The following IMP4 variants were observed in gnomAD, a reference collection of about 807,000 sequenced individuals.
IMP4 encodes the protein U3 small nucleolar ribonucleoprotein IMP4.
A neutral mutation model predicts 42.7 loss-of-function variants in IMP4; 30 were observed. That is an observed-to-expected ratio of 0.70 (90% confidence interval 0.53 to 0.95). The LOEUF is 0.95. Ranked by LOEUF, IMP4 falls within the 40% of genes least tolerant of loss-of-function variation. The pLI is 0.00. For synonymous variants in IMP4, 165 were observed against 165.2 expected, an observed-to-expected ratio of 1.00 and a Z score of 0.01; for missense variants, 382 against 411.4, an observed-to-expected ratio of 0.93 and a Z score of 0.62.
chr2:130,346,527 C>A lies in IMP4; in HGVS notation c.*59C>A. 2 of 1,148,208 alleles carry A rather than the reference C, an allele frequency of 1.7e-6. No individual in the cohort carries two copies. The highest frequency in any genetic ancestry group is 2.6e-6 in the Non-Finnish European group (2 of 783,310). The allele number at this position is 1,148,208 out of a possible 1,614,324, so 71.1% of individuals were successfully genotyped here. On this transcript the variant is annotated 3_prime_UTR_variant, in exon 9 of 9. Coordinates refer to ENST00000259239, the MANE Select transcript of IMP4 (RefSeq NM_033416.3). Reference sequence around the variant, plus strand: ...GAACTCAGGATGGGGCTGTCATAGACAGACCCACCAGTAGGAACTGTCACA... The same window carrying A: ...GAACTCAGGATGGGGCTGTCATAGAAAGACCCACCAGTAGGAACTGTCACA...
In IMP4 at chr2:130,346,673, G is replaced by A; in HGVS notation, c.*205G>A. On this transcript the variant is annotated 3_prime_UTR_variant, in exon 9 of 9. Coordinates refer to ENST00000259239, the MANE Select transcript of IMP4 (RefSeq NM_033416.3). ...GCCAAGTCTGCAGGGCAAAGCCCAT[G>A]GGATCCCTTTGGGTGGGGACCTGAT... 1 of 605,070 alleles carries A rather than the reference G, an allele frequency of 1.7e-6. No homozygotes were observed. Among genetic ancestry groups the A allele is most frequent in the South Asian group, 1.9e-5 (1 of 51,642 alleles). The allele number at this position is 605,070 out of a possible 1,614,324, so 37.5% of individuals were successfully genotyped here.
chr2:130,342,915 G>A lies in IMP4; in HGVS notation c.-18G>A. 1 of 1,614,126 alleles carries A rather than the reference G, an allele frequency of 6.2e-7. No homozygotes were observed. Among genetic ancestry groups the A allele is most frequent in the South Asian group, 1.1e-5 (1 of 91,084 alleles). ...AGCCCACAGATTCTCCCGGACCCAC[G>A]TGGAAGCGGCACTCAAGATGGTAGG... is the stretch of plus-strand genomic sequence containing the variant. On this transcript the variant is annotated 5_prime_UTR_variant, in exon 1 of 9. It adds an upstream start codon to the 5' untranslated region. Coordinates refer to ENST00000259239, the MANE Select transcript of IMP4 (RefSeq NM_033416.3).
rs765579708 is a variant in IMP4 at position 130,344,651 on chromosome 2, G to A, written c.135G>A (p.Glu45=). 1.2e-6 allele frequency: 2 copies of A among 1,614,084 alleles called. No individual in the cohort carries two copies. Among genetic ancestry groups the A allele is most frequent in the South Asian group, 2.2e-5 (2 of 91,084 alleles). Residue 45 remains glutamate, a synonymous_variant, in exon 3 of 9, where the codon GAG becomes GAA. Coordinates refer to ENST00000259239, the MANE Select transcript of IMP4 (RefSeq NM_033416.3). ...ALEENRLIPT[E]LRREALALQG... ...CAGAAAACCGCCTGATTCCCACTGA[G>A]TTACGCCGAGAGGCTCTGGCCTTAC...
rs1451913666 is a variant in IMP4 at position 130,343,476 on chromosome 2, T to A, written c.112+282T>A. 3 of 576,300 alleles carry A rather than the reference T, an allele frequency of 5.2e-6. No homozygotes were observed. In the Middle Eastern group the frequency reaches 1.1e-3, roughly 216 times the overall value. 35.7% of individuals were successfully genotyped at this position (576,300 alleles called of 1,614,324 possible). ...CCTGTAGAAATTCTCTTTAGAGCGG[T>A]GGCTCACTGCTGTAATCCCAGCACT... On this transcript the variant is annotated intron_variant, in intron 2 of 8. Coordinates refer to ENST00000259239, the MANE Select transcript of IMP4 (RefSeq NM_033416.3).
In IMP4 at chr2:130,346,406, G is replaced by A. The variant is rs772305300; in HGVS notation, c.814G>A (p.Glu272Lys). 1.3e-6 allele frequency: 2 copies of A among 1,575,800 alleles called. No homozygotes were observed. Among genetic ancestry groups the A allele is most frequent in the South Asian group, 2.3e-5 (2 of 86,428 alleles). Residue 272 changes from glutamate to lysine, a missense_variant, in exon 9 of 9, where the codon GAG becomes AAG. Coordinates refer to ENST00000259239, the MANE Select transcript of IMP4 (RefSeq NM_033416.3). ...GGAGCAGGAGGCCACAGCAGACGTG[G>A]AGTGGCGCTGGCACCCTTACACCAA... Reference protein sequence around the residue: ...TLEQEATADVEWRWHPYTNTA... With the variant: ...TLEQEATADVKWRWHPYTNTA...
rs751294029 is a variant in IMP4 at position 130,347,097 on chromosome 2, G to A, written c.*629G>A. The A allele has an allele frequency of 2.6e-5, 4 of 153,718 alleles. No individual in the cohort carries two copies. Among genetic ancestry groups the A allele is most frequent in the African/African-American group, 7.2e-5 (3 of 41,450 alleles). 9.5% of individuals were successfully genotyped at this position (153,718 alleles called of 1,614,324 possible). A position where few individuals can be genotyped will look rare whatever the true frequency, so the allele number is the denominator to read the frequency against. On this transcript the variant is annotated 3_prime_UTR_variant, in exon 9 of 9. Coordinates refer to ENST00000259239, the MANE Select transcript of IMP4 (RefSeq NM_033416.3). ...CCGTCCACCAATAGACACTTAGGTCGTTTTCATAGTTTGGCAGTTGTGGAA... is the reference window on the plus strand; with the variant it reads ...CCGTCCACCAATAGACACTTAGGTCATTTTCATAGTTTGGCAGTTGTGGAA...
At position 130,347,303 on chromosome 2, in the gene IMP4, C is replaced by T. The variant is rs1347467213; in HGVS notation, c.*835C>T. The stretch of plus-strand genomic sequence containing the variant: ...CTAATTTCCATTCTCACCAACAGTT[C>T]ACTAGGGTTCCCTTTTCTCCACATT... On this transcript the variant is annotated 3_prime_UTR_variant, in exon 9 of 9. Transcript: ENST00000259239. 6.6e-6 allele frequency: 1 copy of T among 152,196 alleles called. No homozygotes were observed. The highest frequency in any genetic ancestry group is 1.5e-5 in the Non-Finnish European group (1 of 68,036). The allele number at this position is 152,196 out of a possible 1,614,324, so 9.4% of individuals were successfully genotyped here.
In IMP4 at chr2:130,343,104, C is replaced by G. The variant is rs1174676352; in HGVS notation, c.22C>G (p.Leu8Val). 2.6e-6 allele frequency: 4 copies of G among 1,558,550 alleles called. No individual in the cohort carries two copies. The highest frequency in any genetic ancestry group is 1.9e-5 in the Admixed American group (1 of 51,808). The change falls in exon 2 of 9, where the codon CTG (leucine) becomes GTG (valine). Residue 8 changes from leucine (L) to valine (V), a missense_variant. Physicochemically the swap from Leu to Val is conservative, Grantham distance 32 (BLOSUM62 1). Transcript: ENST00000259239. MLRREAR[L>V]RREYLYRKAR... ...CCCACAGCTGCGCCGCGAGGCCCGC[C>G]TGCGCCGCGAGTACCTGTACCGCAA...
rs1573845651 is a variant in IMP4, at chr2:130,346,530, A to C, written c.*62A>C. ...CTCAGGATGGGGCTGTCATAGACAGACCCACCAGTAGGAACTGTCACAGAA... is the reference window on the plus strand; with the variant it reads ...CTCAGGATGGGGCTGTCATAGACAGCCCCACCAGTAGGAACTGTCACAGAA... On this transcript the variant is annotated 3_prime_UTR_variant, in exon 9 of 9. Coordinates refer to ENST00000259239, the MANE Select transcript of IMP4 (RefSeq NM_033416.3). 4.0e-5 allele frequency: 45 copies of C among 1,112,864 alleles called. No individual in the cohort carries two copies. Among genetic ancestry groups the C allele is most frequent in the Non-Finnish European group, 5.3e-5 (40 of 751,800 alleles). 68.9% of individuals were successfully genotyped at this position (1,112,864 alleles called of 1,614,324 possible).
Position 130,346,132 on chromosome 2 carries a change from C to T in IMP4, c.689+20C>T. ...ATTCCGGTGGGTCCACGGGCCATGC[C>T]CCAGGAAAGCATCCCCACCCTGTGT... is the stretch of plus-strand genomic sequence containing the variant. On this transcript the variant is annotated intron_variant, in intron 7 of 8. Coordinates refer to ENST00000259239, the MANE Select transcript of IMP4 (RefSeq NM_033416.3). The T allele has an allele frequency of 6.2e-7, 1 of 1,613,168 alleles. No homozygotes were observed.
chr2:130,342,946 G>A lies in IMP4; in HGVS notation c.3+11G>A, dbSNP rs1679128531. The A allele has an allele frequency of 2.5e-6, 4 of 1,614,194 alleles. No individual in the cohort carries two copies. The highest frequency in any genetic ancestry group is 3.4e-6 in the Non-Finnish European group (4 of 1,180,018). On this transcript the variant is annotated intron_variant, in intron 1 of 8. Transcript: ENST00000259239. ...GCGGCACTCAAGATGGTAGGAGAAT[G>A]AGCTCCTGTTTCGGAGGTCCGGGGC...
In IMP4 at chr2:130,345,318, C is replaced by T. The variant is rs201732015; in HGVS notation, c.197-58C>T. On this transcript the variant is annotated intron_variant, in intron 3 of 8. Transcript: ENST00000259239. This position sits in a 1 kb window ranked among gnomAD's most constrained non-coding sequence, Gnocchi z 4.9. ...GACATCCAGGCGGTCTTGGCTGCCC[C>T]GAAGTTAGCATTTCATTCCCAAGAC... 2.3e-5 allele frequency: 32 copies of T among 1,406,606 alleles called. No homozygotes were observed. In the East Asian group the frequency reaches 5.3e-4, roughly 23 times the overall value. The allele number at this position is 1,406,606 out of a possible 1,614,324, so 87.1% of individuals were successfully genotyped here.
intron 2 of IMP4, among the ~76,000 whole-genome samples, chr2:130,344,020 A>G (rs941179091): frequency 1.1e-4 from 17 of 152,254 alleles, no homozygotes; most frequent in Middle Eastern, 3.4e-3. Flanking sequence ...AGAACAGTCT[A>G]TATTTCTTTT....
chr2:130,343,042 G>A (rs768537819), intron 1 of IMP4, 44 bp from the exon 2 acceptor site: 2 of 1,601,790 alleles, frequency 1.2e-6, no homozygotes, highest in Middle Eastern at 1.9e-4. Flanking sequence ...GGGTTCCGGG[G>A]CTCGGGAGCG....
rs1440703352 is a variant in IMP4 at position 130,344,614 on chromosome 2, C to G, written c.113-15C>G. On this transcript the variant is annotated splice_polypyrimidine_tract_variant and intron_variant, in intron 2 of 8. Coordinates refer to ENST00000259239, the MANE Select transcript of IMP4 (RefSeq NM_033416.3). ...TGCTTGTGACTCACTCAGCCCCTCT[C>G]TCTTCCCTCTGCAGAAAACCGCCTG... 3 of 1,598,456 alleles carry G rather than the reference C, an allele frequency of 1.9e-6. No individual in the cohort carries two copies. Among genetic ancestry groups the G allele is most frequent in the South Asian group, 1.1e-5 (1 of 90,754 alleles).
In IMP4 at chr2:130,344,712, G is replaced by A. The variant is rs1679382386; in HGVS notation, c.196G>A (p.Gly66Ser). The A allele has an allele frequency of 1.2e-6, 2 of 1,608,206 alleles. No homozygotes were observed. The highest frequency in any genetic ancestry group is 1.7e-6 in the Non-Finnish European group (2 of 1,174,610). Residue 66 changes from glycine to serine, a missense_variant and splice_region_variant, in exon 3 of 9, where the codon GGT becomes AGT. Coordinates refer to ENST00000259239, the MANE Select transcript of IMP4 (RefSeq NM_033416.3). ...GGAGTTTGATGATGCTGGAGGTGAA[G>A]GTAACTATACAAGGTAGCCCTCCCC... ...SLEFDDAGGE[G>S]VTSHVDDEYR...
At chr2:130,343,039 G>T in intron 1 of IMP4, 47 bp from the exon 2 acceptor site, 3 of 1,603,076 alleles carry the variant, frequency 1.9e-6, no homozygotes, top group Non-Finnish European at 2.6e-6. Flanking sequence ...CCGGGGTTCC[G>T]GGGCTCGGGA....
chr2:130,346,617 G>A lies in IMP4; in HGVS notation c.*149G>A. Reference sequence around the variant, plus strand: ...GGAGAGGTCTGAATAAACCGTCTGTGTCATGGCCCCGCCTGCCTCTGAGTG... The same window carrying A: ...GGAGAGGTCTGAATAAACCGTCTGTATCATGGCCCCGCCTGCCTCTGAGTG... On this transcript the variant is annotated 3_prime_UTR_variant, in exon 9 of 9. Coordinates refer to ENST00000259239, the MANE Select transcript of IMP4 (RefSeq NM_033416.3). 1.5e-6 allele frequency: 1 copy of A among 675,420 alleles called. No homozygotes were observed. Among genetic ancestry groups the A allele is most frequent in the East Asian group, 2.7e-5 (1 of 36,862 alleles). 41.8% of individuals were successfully genotyped at this position (675,420 alleles called of 1,614,324 possible). A position where few individuals can be genotyped will look rare whatever the true frequency, so the allele number is the denominator to read the frequency against.
rs772154814 is a variant in IMP4, at chr2:130,346,550, A to G, written c.*82A>G. On this transcript the variant is annotated 3_prime_UTR_variant, in exon 9 of 9. Coordinates refer to ENST00000259239, the MANE Select transcript of IMP4 (RefSeq NM_033416.3). ...GACAGACCCACCAGTAGGAACTGTCACAGAATGGCCTGCTGAACTGGGATG... is the reference window on the plus strand; with the variant it reads ...GACAGACCCACCAGTAGGAACTGTCGCAGAATGGCCTGCTGAACTGGGATG... The G allele has an allele frequency of 1.9e-4, 179 of 961,610 alleles. No individual in the cohort carries two copies. Among genetic ancestry groups the G allele is most frequent in the Non-Finnish European group, 2.7e-4 (169 of 616,658 alleles). 59.6% of individuals were successfully genotyped at this position (961,610 alleles called of 1,614,324 possible).
Sources: allele counts gnomAD v4.1 joint callset (sites outside exome capture counted in the v4.1 genomes callset), GRCh38; gene constraint gnomAD v4.1.1; non-coding constraint Gnocchi (gnomAD v3.1); transcripts MANE v1.5; gene names NCBI Gene and HGNC (gene_info 2026-07-23, HGNC 2026-07-21).